NUP210: variants seen among roughly 807,000 people sequenced by gnomAD.
The protein encoded by NUP210 is nucleoporin 210.
Under a neutral mutation model 196.0 loss-of-function variants are expected in NUP210, and 151 were observed. That is an observed-to-expected ratio of 0.77 (90% confidence interval 0.67 to 0.88). The LOEUF (loss-of-function observed/expected upper bound fraction) is 0.88. NUP210 is among the 40% of genes least tolerant of loss of function. The pLI is 0.00. For missense variants in NUP210, 2,314 were observed against 2,493.7 expected (o/e 0.93, Z 1.53); for synonymous variants, 1,070 against 1,052.7 (o/e 1.02, Z -0.32).
chr3:13,325,800 T>C lies in NUP210; in HGVS notation c.4639A>G (p.Lys1547Glu), dbSNP rs780676021. The change falls in exon 33 of 40, where the codon AAG becomes GAG. Residue 1547 changes from lysine (K) to glutamate (E), a missense_variant. By Grantham distance (56) the Lys-to-Glu change is moderately conservative. Transcript: ENST00000254508. ...TCCGGCTGCTTAGAGCCCACCTCCT[T>C]GTAGGTCCTCAGGTGCCCAGCGACC... ...YEVAGHLRTYKEVVVSVPQRI... is the reference protein window; with the variant it reads ...YEVAGHLRTYEEVVVSVPQRI... 6.2e-7 allele frequency: 1 copy of C among 1,613,824 alleles called. No individual in the cohort carries two copies. The highest frequency in any genetic ancestry group is 1.1e-5 in the South Asian group (1 of 91,088).
chr3:13,326,077 G>A (rs747829356), intron 32 of NUP210, 146 bp from the exon 33 acceptor site: 70 of 1,049,188 alleles, frequency 6.7e-5, no homozygotes, highest in African/African-American at 1.3e-4. Flanking sequence ...AGACAGCCAC[G>A]CTGCCTGCCC....
intron 32 of NUP210, among the ~76,000 whole-genome samples, chr3:13,326,947 CCA>C (rs1380245373): frequency 6.6e-6 from 1 of 152,268 alleles, no homozygotes; most frequent in Non-Finnish European, 1.5e-5. Context: ...TCTGCTATGA[CCA>C]CACAATCTGG....
At chr3:13,374,181 C>T (rs967502165) in intron 11 of NUP210, among the ~76,000 whole-genome samples, 3 of 152,108 alleles carry the variant, frequency 2.0e-5, no homozygotes, top group Non-Finnish European at 4.4e-5. Flanking sequence ...CCACTCACAC[C>T]CACAGTGCAC....
In NUP210 at chr3:13,388,295, A is replaced by T. The variant is rs1699352714; in HGVS notation, c.684+8T>A. On this transcript the variant is annotated splice_region_variant and intron_variant, in intron 5 of 39. Coordinates refer to ENST00000254508, the MANE Select transcript of NUP210 (RefSeq NM_024923.4). ...AAGCCCACTGACACCCCAGCGCCCC[A>T]GGCCCACCTTGTAGACAGCCTCCTG... 4 of 1,595,332 alleles carry T rather than the reference A, an allele frequency of 2.5e-6. No homozygotes were observed. The highest frequency in any genetic ancestry group is 3.4e-6 in the Non-Finnish European group (4 of 1,171,796).
intron 1 of NUP210, among the ~76,000 whole-genome samples, chr3:13,404,251 G>A (rs1229235539): frequency 6.6e-6 from 1 of 152,164 alleles, no homozygotes; most frequent in Non-Finnish European, 1.5e-5. Flanking sequence ...GTGTAATGCT[G>A]GATGAAAAAG....
At chr3:13,377,881 T>TGCAGGCCCCACACCACCC in intron 8 of NUP210, among the ~76,000 whole-genome samples, 1 of 50,142 alleles carries the variant, frequency 2.0e-5, no homozygotes, top group South Asian at 6.6e-4. Flanking sequence ...CCACACCACT[T>TGCAGGCCCCACACCACCC]ACCTGGAGGC....
At chr3:13,393,548 C>T (rs775307026) in intron 3 of NUP210, among the ~76,000 whole-genome samples, 14 of 152,228 alleles carry the variant, frequency 9.2e-5, no homozygotes, top group Non-Finnish European at 1.9e-4. Context: ...CAGGGACCCT[C>T]GTTCATGCAT....
chr3:13,356,511 C>T (rs146666399), intron 16 of NUP210, among the ~76,000 whole-genome samples: 8 of 152,168 alleles, frequency 5.3e-5, no homozygotes, highest in East Asian at 1.9e-4. Flanking sequence ...GGTGTGGTGG[C>T]GCATGCCTGT....
chr3:13,345,645 C>G (rs1697692701), intron 20 of NUP210, among the ~76,000 whole-genome samples: 1 of 152,220 alleles, frequency 6.6e-6, no homozygotes, highest in Non-Finnish European at 1.5e-5. Flanking sequence ...CACACAATGA[C>G]TTACAGTAGA....
rs1299073591 is a variant in NUP210 at position 13,415,579 on chromosome 3, G to A, written c.167+4481C>T. On this transcript the variant is annotated intron_variant, in intron 1 of 39. Transcript: ENST00000254508. ...AACACTCTCAACGAAAAGAGCAGAAGTACAGGTGTGGGCTCAGGGAAGGCC... is the reference window on the plus strand; with the variant it reads ...AACACTCTCAACGAAAAGAGCAGAAATACAGGTGTGGGCTCAGGGAAGGCC... 2.6e-5 allele frequency among the ~76,000 whole-genome samples: 4 copies of A among 152,360 alleles called. No individual in the cohort carries two copies. The South Asian group carries it at 8.3e-4, about 32-fold the overall frequency.
At chr3:13,334,771 C>G in intron 28 of NUP210, among the ~76,000 whole-genome samples, 1 of 152,330 alleles carries the variant, frequency 6.6e-6, no homozygotes, top group South Asian at 2.1e-4. Context: ...CACAGCCCAT[C>G]CTATAAGTAG....
chr3:13,377,224 C>T (rs558274817), intron 9 of NUP210, among the ~76,000 whole-genome samples: 15 of 152,312 alleles, frequency 9.8e-5, no homozygotes, highest in Admixed American at 9.8e-4. Flanking sequence ...CTCTGCCCTC[C>T]AGCCCAACAG....
intron 3 of NUP210, 36 bp downstream of exon 3, chr3:13,397,321 G>C (rs373377504): frequency 6.3e-7 from 1 of 1,598,938 alleles, no homozygotes; most frequent in Non-Finnish European, 8.5e-7. Flanking sequence ...ATCTAGCATG[G>C]GCTGCAGAAG....
chr3:13,331,512 C>T (rs896231899), intron 29 of NUP210, among the ~76,000 whole-genome samples: 1 of 152,200 alleles, frequency 6.6e-6, no homozygotes, highest in African/African-American at 2.4e-5. Flanking sequence ...ACATGCCTCC[C>T]CTAAATCCCC....
chr3:13,408,605 T>C (rs567822612), intron 1 of NUP210, among the ~76,000 whole-genome samples: 6 of 151,976 alleles, frequency 3.9e-5, no homozygotes, highest in African/African-American at 7.3e-5. Flanking sequence ...CTGACCAACA[T>C]GGTGAAGCCC....
chr3:13,322,288 G>A lies in NUP210; in HGVS notation c.4820C>T (p.Thr1607Ile), dbSNP rs1021314905. The stretch of plus-strand genomic sequence containing the variant: ...GAACTGGGACTGGCAGCTGATGAGG[G>A]TCTCTGGGTGCAAGGCCTGGATGAC... ...REVIQALHPE[T>I]LISCQSQFKP... is the part of the protein sequence containing the mutation. The change falls in exon 35 of 40, where the codon ACC (threonine) becomes ATC (isoleucine). Residue 1607 changes from threonine to isoleucine, a missense_variant. Transcript: ENST00000254508. 3.7e-6 allele frequency: 6 copies of A among 1,614,110 alleles called. No homozygotes were observed. Among genetic ancestry groups the A allele is most frequent in the South Asian group, 1.1e-5 (1 of 91,082 alleles).
chr3:13,401,101 T>C (rs1699820375), intron 1 of NUP210, among the ~76,000 whole-genome samples: 1 of 150,970 alleles, frequency 6.6e-6, no homozygotes, highest in Non-Finnish European at 1.5e-5. Flanking sequence ...CTACTAAAAA[T>C]ACAAAAAATT....
intron 1 of NUP210, among the ~76,000 whole-genome samples, chr3:13,400,392 G>A (rs944687010): frequency 2.6e-5 from 4 of 152,176 alleles, no homozygotes; most frequent in East Asian, 1.9e-4. Flanking sequence ...CAGTGCCTGC[G>A]GAGCGGATAT....
Position 13,391,272 on chromosome 3 carries a change from C to G in NUP210, c.472G>C (p.Glu158Gln). The G allele has an allele frequency of 1.9e-6, 3 of 1,612,356 alleles. No individual in the cohort carries two copies. Among genetic ancestry groups the G allele is most frequent in the South Asian group, 2.2e-5 (2 of 90,554 alleles). Residue 158 changes from glutamate (E) to glutamine (Q), a missense_variant, in exon 4 of 40, where the codon GAG (glutamate) becomes CAG (glutamine). Coordinates refer to ENST00000254508, the MANE Select transcript of NUP210 (RefSeq NM_024923.4). The part of the protein sequence containing the change: ...TFSTLAGLVF[E>Q]WTIVKDSEAD... ...TCGGAGTCCTTCACAATCGTCCACT[C>G]GAAGACCAGTCCAGCCAGAGTGCTG...
Sources: gnomAD v4.1 joint callset for allele counts (sites outside exome capture counted in the v4.1 genomes callset) on GRCh38, gnomAD v4.1.1 for gene constraint, MANE v1.5 for transcripts, NCBI Gene and HGNC (gene_info 2026-07-23, HGNC 2026-07-21) for gene names.